The following TTLL5 variants were observed in gnomAD, a reference collection of about 807,000 sequenced individuals.
TTLL5 encodes the protein tubulin tyrosine ligase like 5.
TTLL5 carries 132 observed loss-of-function variants against 168.4 expected under a neutral mutation model. The ratio of observed to expected loss-of-function variants is 0.78; its 90% CI spans 0.68 to 0.91. The LOEUF is 0.91. Among genes scored for constraint, TTLL5 ranks in the 40% least tolerant of loss-of-function variants. The pLI is 0.00. For missense variants in TTLL5, 1,545 were observed against 1,581.5 expected (o/e 0.98, Z 0.39); for synonymous variants, 546 against 558.6 (o/e 0.98, Z 0.32).
intron 30 of TTLL5, among the ~76,000 whole-genome samples, chr14:75,896,468 G>A (rs1303689532): frequency 6.6e-6 from 1 of 152,158 alleles, no homozygotes; most frequent in African/African-American, 2.4e-5. Flanking sequence ...AGCATTTGTA[G>A]CTTTGCTCTT....
At chr14:75,863,922 A>AAAAAAAAAAAAAAAAAT (rs2030262894) in intron 29 of TTLL5, 60 bp downstream of exon 29, 1 of 1,323,448 alleles carries the variant, frequency 7.6e-7, no homozygotes, top group African/African-American at 1.6e-5. Context: ...AAAAAAAAAA[A>AAAAAAAAAAAAAAAAAT]AAAAAAAAAA....
At chr14:75,800,911 G>A (rs1893270752) in intron 27 of TTLL5, among the ~76,000 whole-genome samples, 1 of 152,132 alleles carries the variant, frequency 6.6e-6, no homozygotes, top group Non-Finnish European at 1.5e-5. Flanking sequence ...AGGGTCCTTT[G>A]TTGTAGTTTT....
At position 75,695,259 on chromosome 14, in the gene TTLL5, G is replaced by A. The variant is rs148681434; in HGVS notation, c.503-3929G>A. Among the ~76,000 whole-genome samples, 13 of 152,298 alleles carry A rather than the reference G, an allele frequency of 8.5e-5. No individual in the cohort carries two copies. In the East Asian group the frequency reaches 1.5e-3, roughly 18 times the overall value. Reference sequence around the variant, plus strand: ...ATAAAATAAGCCCTGGTCTCCCGTCGCGCTCCCAGGCCTATTAGGATGAGG... The same window carrying A: ...ATAAAATAAGCCCTGGTCTCCCGTCACGCTCCCAGGCCTATTAGGATGAGG... On this transcript the variant is annotated intron_variant, in intron 6 of 31. Coordinates refer to ENST00000298832, the MANE Select transcript of TTLL5 (RefSeq NM_015072.5).
intron 28 of TTLL5, among the ~76,000 whole-genome samples, chr14:75,825,662 T>A (rs1328584095): frequency 2.0e-5 from 3 of 151,994 alleles, no homozygotes; most frequent in Non-Finnish European, 2.9e-5. Flanking sequence ...GAAACTACTT[T>A]TTGTGGGGGG....
In TTLL5 at chr14:75,681,584, G is replaced by T; in HGVS notation, c.221G>T (p.Ser74Ile). 6.2e-7 allele frequency: 1 copy of T among 1,613,504 alleles called. No individual in the cohort carries two copies. The highest frequency in any genetic ancestry group is 2.2e-5 in the East Asian group (1 of 44,876). The change falls in exon 4 of 32, where the codon AGT becomes ATT. Residue 74 changes from serine (S) to isoleucine (I), a missense_variant. Physicochemically the swap from Ser to Ile is moderately radical, Grantham distance 142. Coordinates refer to ENST00000298832, the MANE Select transcript of TTLL5 (RefSeq NM_015072.5). ...HLSYKIVRTD[S>I]RLVRSILTAH... ...TCTTATAAGATTGTACGAACGGACA[G>T]TCGCCTAGTACGCAGCATTCTGACA...
At chr14:75,952,676 C>A (rs2034997924) in intron 31 of TTLL5, among the ~76,000 whole-genome samples, 1 of 151,974 alleles carries the variant, frequency 6.6e-6, no homozygotes, top group African/African-American at 2.4e-5. Flanking sequence ...ATTATTCAGC[C>A]ATAAAAAAGG....
At chr14:75,915,556 C>T (rs949863895) in intron 31 of TTLL5, among the ~76,000 whole-genome samples, 1 of 152,306 alleles carries the variant, frequency 6.6e-6, no homozygotes, top group Admixed American at 6.5e-5. Flanking sequence ...CAACTTTAGG[C>T]TAATCACTTA....
In TTLL5 at chr14:75,889,839, AAAAAAG is replaced by A. The variant is rs1191633182; in HGVS notation, c.3740+6939_3740+6944del. ...AGCGAGACTCTTAAAAAAAAAAAAAAAAAAAGAGGAAGGAAGGAAGGGAAGAAGCGA... is the reference window on the plus strand; with the variant it reads ...AGCGAGACTCTTAAAAAAAAAAAAAAAGGAAGGAAGGAAGGGAAGAAGCGA... On this transcript the variant is annotated intron_variant, in intron 30 of 31. Transcript: ENST00000298832. 7.0e-3 allele frequency among the ~76,000 whole-genome samples: 738 copies of A among 105,912 alleles called. 13 individuals are homozygous for A. The highest frequency in any genetic ancestry group is 0.025 in the African/African-American group (716 of 28,130). 69.5% of individuals were successfully genotyped at this position (105,912 alleles called of 152,430 possible).
chr14:75,766,407 C>T (rs1355324603), intron 20 of TTLL5, 39 bp downstream of exon 20: 3 of 1,535,672 alleles, frequency 2.0e-6, no homozygotes, highest in African/African-American at 2.8e-5. Context: ...AAACTGATAA[C>T]AGCTAACTTG....
At chr14:75,706,078 A>C (rs183340266) in intron 7 of TTLL5, among the ~76,000 whole-genome samples, 1 of 151,886 alleles carries the variant, frequency 6.6e-6, no homozygotes, top group African/African-American at 2.4e-5. Context: ...CCTCCTTTCT[A>C]CTGGGCTTGG....
intron 31 of TTLL5, among the ~76,000 whole-genome samples, chr14:75,925,418 G>T (rs1182166977): frequency 3.8e-5 from 1 of 26,104 alleles, no homozygotes; most frequent in Non-Finnish European, 7.1e-5. Flanking sequence ...CCCAGACGGG[G>T]CGGCGGGGCA....
At chr14:75,903,419 G>A (rs965794246) in intron 31 of TTLL5, among the ~76,000 whole-genome samples, 10 of 152,040 alleles carry the variant, frequency 6.6e-5, no homozygotes, top group Admixed American at 6.6e-4. Context: ...TGTGGCTGGG[G>A]ACTGGGGCAT....
At chr14:75,946,727 G>A (rs559767143) in intron 31 of TTLL5, among the ~76,000 whole-genome samples, 2 of 152,126 alleles carry the variant, frequency 1.3e-5, no homozygotes, top group African/African-American at 4.8e-5. Context: ...ACATGAGAAT[G>A]TGGGAAATGT....
At chr14:75,789,367 T>C (rs1892561592) in intron 26 of TTLL5, among the ~76,000 whole-genome samples, 1 of 152,192 alleles carries the variant, frequency 6.6e-6, no homozygotes, top group Non-Finnish European at 1.5e-5. Flanking sequence ...GCAGATAATA[T>C]ATTGTCTACA....
intron 30 of TTLL5, among the ~76,000 whole-genome samples, chr14:75,888,150 C>T (rs901598753): frequency 3.3e-5 from 5 of 152,156 alleles, no homozygotes; most frequent in African/African-American, 1.2e-4. Context: ...GTCATTTGGA[C>T]CTCAGTGGTG....
chr14:75,716,465 G>A (rs1175103230), intron 9 of TTLL5, among the ~76,000 whole-genome samples: 1 of 152,136 alleles, frequency 6.6e-6, no homozygotes, highest in Non-Finnish European at 1.5e-5. Context: ...GAGATAGTGG[G>A]TGGATGAGAA....
chr14:75,722,778 A>G (rs910566667), intron 12 of TTLL5, among the ~76,000 whole-genome samples: 2 of 152,118 alleles, frequency 1.3e-5, no homozygotes, highest in African/African-American at 2.4e-5. Context: ...GGCTTCCCCA[A>G]ATACTGGGCT....
intron 3 of TTLL5, among the ~76,000 whole-genome samples, chr14:75,679,758 C>G: frequency 6.6e-6 from 1 of 152,212 alleles, no homozygotes; most frequent in East Asian, 1.9e-4. Flanking sequence ...GTGATTCCCA[C>G]ACATGATTCT....
At chr14:75,715,219 C>A (rs531224878) in intron 9 of TTLL5, among the ~76,000 whole-genome samples, 1 of 151,334 alleles carries the variant, frequency 6.6e-6, no homozygotes, top group East Asian at 1.9e-4. Context: ...GCTTAGAAAA[C>A]CTCCTTGTGC....
Sources: allele counts gnomAD v4.1 joint callset (sites outside exome capture counted in the v4.1 genomes callset), GRCh38; gene constraint gnomAD v4.1.1; transcripts MANE v1.5; gene names NCBI Gene and HGNC (gene_info 2026-07-23, HGNC 2026-07-21).